DCC: variants seen among roughly 807,000 people sequenced by gnomAD.
The protein encoded by DCC is DCC netrin 1 receptor.
Under a neutral mutation model 172.5 loss-of-function variants are expected in DCC, and 58 were observed. That is an observed-to-expected ratio of 0.34 (90% CI 0.27 to 0.42). The LOEUF is 0.42. DCC is among the 10% of genes least tolerant of loss of function. The pLI, the probability that DCC is intolerant of heterozygous loss-of-function variation, is 1.00. For missense variants in DCC, 1,740 were observed against 1,791.0 expected (o/e 0.97, Z 0.51); for synonymous variants, 709 against 644.5 (o/e 1.10, Z -1.52).
At chr18:53,072,618 A>G (rs1328055747) in intron 7 of DCC, among the ~76,000 whole-genome samples, 1 of 152,240 alleles carries the variant, frequency 6.6e-6, no homozygotes, top group African/African-American at 2.4e-5. Flanking sequence ...TGAAGACAGA[A>G]TAAAGTTGCC....
chr18:52,696,513 A>G (rs1027189746), intron 1 of DCC, among the ~76,000 whole-genome samples: 1 of 152,194 alleles, frequency 6.6e-6, no homozygotes, highest in African/African-American at 2.4e-5. Context: ...AGTTGTTCAC[A>G]TGATTAGATT....
At chr18:52,563,837 C>A (rs559826036) in intron 1 of DCC, among the ~76,000 whole-genome samples, 1 of 152,244 alleles carries the variant, frequency 6.6e-6, no homozygotes, top group East Asian at 1.9e-4. Flanking sequence ...TAATTGAAAT[C>A]TGTTGTCTGT....
chr18:53,285,095 C>G (rs1183406607), intron 12 of DCC, among the ~76,000 whole-genome samples: 2 of 152,004 alleles, frequency 1.3e-5, no homozygotes, highest in East Asian at 3.9e-4. Flanking sequence ...AAATTTGCAG[C>G]CTGACAATTT....
At chr18:53,255,084 C>A (rs184844370) in intron 12 of DCC, among the ~76,000 whole-genome samples, 1 of 152,136 alleles carries the variant, frequency 6.6e-6, no homozygotes, top group East Asian at 1.9e-4. Context: ...TTCCTGTTGA[C>A]ACCCAAGATA....
intron 11 of DCC, among the ~76,000 whole-genome samples, chr18:53,211,275 C>T (rs995494017): frequency 2.0e-5 from 3 of 152,170 alleles, no homozygotes; most frequent in African/African-American, 7.2e-5. Flanking sequence ...CCCTACTTTA[C>T]AGATGACAAA....
rs117800035 is a variant in DCC at position 53,236,877 on chromosome 18, A to T, written c.1911+21280A>T. Among the ~76,000 whole-genome samples, 621 of 152,168 alleles carry T rather than the reference A, an allele frequency of 4.1e-3. 2 individuals carry two copies. The highest frequency in any genetic ancestry group is 6.8e-3 in the Middle Eastern group (2 of 294). ...CTTTCTTGAAAACAGTTGACCATAT[A>T]TGTATGCACATTTGTGTCTATTTCT... is the stretch of plus-strand genomic sequence containing the variant. On this transcript the variant is annotated intron_variant, in intron 12 of 28. Coordinates refer to ENST00000442544, the MANE Select transcript of DCC (RefSeq NM_005215.4).
At chr18:52,534,102 G>T (rs531264498) in intron 1 of DCC, among the ~76,000 whole-genome samples, 1 of 152,124 alleles carries the variant, frequency 6.6e-6, no homozygotes, top group South Asian at 2.1e-4. Flanking sequence ...TTACCCATTT[G>T]TGAATTAATG....
At chr18:52,904,329 T>C (rs918523236) in intron 2 of DCC, among the ~76,000 whole-genome samples, 30 of 152,178 alleles carry the variant, frequency 2.0e-4, no homozygotes, top group African/African-American at 7.2e-4. Flanking sequence ...CCACATATAA[T>C]TTTGGTCTAA....
chr18:53,114,947 A>G (rs1002611666), intron 7 of DCC, among the ~76,000 whole-genome samples: 2 of 151,720 alleles, frequency 1.3e-5, no homozygotes, highest in African/African-American at 4.8e-5. Context: ...GCCCACTGCC[A>G]TCAATGCTAA....
intron 1 of DCC, among the ~76,000 whole-genome samples, chr18:52,657,385 C>T (rs1293022167): frequency 5.9e-5 from 9 of 152,146 alleles, no homozygotes; most frequent in Non-Finnish European, 1.3e-4. Flanking sequence ...AAGAATTTCC[C>T]GGGATTCTAA....
rs2145170646 is a variant in DCC at position 53,461,227 on chromosome 18, A to G, written c.3619+1769A>G. Among the ~76,000 whole-genome samples, 5 of 151,580 alleles carry G rather than the reference A, an allele frequency of 3.3e-5. 1 individual carries two copies. The South Asian group carries it at 1.0e-3, about 32-fold the overall frequency. ...TTGCAAAAATTTTCTCCCATTTTGT[A>G]GGTTGCCTGTTCACTCTGATGGTAG... On this transcript the variant is annotated intron_variant, in intron 24 of 28. Coordinates refer to ENST00000442544, the MANE Select transcript of DCC (RefSeq NM_005215.4).
intron 1 of DCC, among the ~76,000 whole-genome samples, chr18:52,709,483 A>G (rs9952236): frequency 0.11 from 17,407 of 152,182 alleles, 1,162 homozygotes; most frequent in East Asian, 0.27. Context: ...AGAAGGGCCA[A>G]GAGGCTCATG....
chr18:53,416,368 T>G, intron 21 of DCC: 1 of 694,620 alleles, frequency 1.4e-6, no homozygotes, highest in South Asian at 1.5e-5. Context: ...GGAAATTGTT[T>G]TGTCTCCATT....
At chr18:53,125,703 T>G (rs1370235131) in intron 7 of DCC, among the ~76,000 whole-genome samples, 2 of 152,128 alleles carry the variant, frequency 1.3e-5, no homozygotes, top group Admixed American at 1.3e-4. Flanking sequence ...CACCAGGCAT[T>G]AGACCTTAAC....
At chr18:52,473,147 C>T (rs950781021) in intron 1 of DCC, among the ~76,000 whole-genome samples, 6 of 152,132 alleles carry the variant, frequency 3.9e-5, no homozygotes, top group Non-Finnish European at 7.4e-5. Context: ...TCTGCCTGCT[C>T]ATGGTTTAGT....
chr18:52,989,951 C>A (rs184229980), intron 5 of DCC, among the ~76,000 whole-genome samples: 1 of 152,236 alleles, frequency 6.6e-6, no homozygotes, highest in Non-Finnish European at 1.5e-5. Context: ...CTATATCAGG[C>A]AGCATCTGAG....
intron 5 of DCC, among the ~76,000 whole-genome samples, chr18:52,971,532 C>T (rs757721684): frequency 1.3e-4 from 20 of 151,626 alleles, no homozygotes; most frequent in African/African-American, 4.1e-4. Context: ...CACACACGCA[C>T]GCACACACAC....
chr18:52,898,832 G>T (rs1396021848), intron 2 of DCC, among the ~76,000 whole-genome samples: 2 of 152,100 alleles, frequency 1.3e-5, no homozygotes, highest in Admixed American at 6.6e-5. Flanking sequence ...ATATGTATTG[G>T]TCTGAGGAGA....
chr18:53,526,509 C>CAATA, intron 27 of DCC, 108 bp from the exon 28 acceptor site: 4 of 1,165,568 alleles, frequency 3.4e-6, no homozygotes, highest in Non-Finnish European at 5.1e-6. Context: ...ACAGAATGAG[C>CAATA]AATAACCTAA....
Sources: allele counts gnomAD v4.1 joint callset (sites outside exome capture counted in the v4.1 genomes callset), GRCh38; gene constraint gnomAD v4.1.1; transcripts MANE v1.5; gene names NCBI Gene and HGNC (gene_info 2026-07-23, HGNC 2026-07-21).